Variants in CSMD1 observed in about 807,000 individuals in gnomAD.
CSMD1 encodes the protein CUB and Sushi multiple domains 1.
CSMD1 carries 213 observed loss-of-function variants against 417.5 expected under a neutral mutation model. The observed-to-expected ratio is 0.51, with a 90% CI of 0.46 to 0.57. The LOEUF is 0.57. Ranked by LOEUF, CSMD1 falls within the 20% of genes least tolerant of loss-of-function variation. CSMD1 has a pLI of 0.00. For synonymous variants in CSMD1, 2,862 were observed against 1,736.8 expected, an observed-to-expected ratio of 1.65 and a Z score of -16.11; for missense variants, 6,923 against 4,529.7, an observed-to-expected ratio of 1.53 and a Z score of -15.17.
chr8:3,652,386 C>G (rs1487961285), intron 7 of CSMD1, among the ~76,000 whole-genome samples: 2 of 152,216 alleles, frequency 1.3e-5, no homozygotes, highest in African/African-American at 4.8e-5. Flanking sequence ...CGCTTAGCAC[C>G]ATCACAAATA....
intron 12 of CSMD1, among the ~76,000 whole-genome samples, chr8:3,422,914 A>G (rs1813587653): frequency 1.3e-5 from 2 of 152,170 alleles, no homozygotes; most frequent in Non-Finnish European, 1.5e-5. Flanking sequence ...CTCACATGGC[A>G]GAAGGAAAAG....
At chr8:4,361,065 C>T (rs1008042188) in intron 3 of CSMD1, among the ~76,000 whole-genome samples, 3 of 152,066 alleles carry the variant, frequency 2.0e-5, no homozygotes, top group African/African-American at 4.8e-5. Context: ...ATTTTTCGTG[C>T]CCAACAGATG....
chr8:3,950,058 C>G, intron 5 of CSMD1: 1 of 448,358 alleles, frequency 2.2e-6, no homozygotes, highest in Non-Finnish European at 4.5e-6. Context: ...ACAGACAGGA[C>G]TGAGTTGCCA....
At chr8:4,761,960 TATC>T (rs1812137928) in intron 1 of CSMD1, among the ~76,000 whole-genome samples, 1 of 150,130 alleles carries the variant, frequency 6.7e-6, no homozygotes, top group Non-Finnish European at 1.5e-5. Flanking sequence ...TCTATCTATC[TATC>T]TAGATTCCCA....
chr8:3,712,166 T>TAATTTA, intron 6 of CSMD1, among the ~76,000 whole-genome samples: 1 of 151,978 alleles, frequency 6.6e-6, no homozygotes, highest in East Asian at 1.9e-4. Flanking sequence ...AGTTACTACG[T>TAATTTA]TCTCTTATTG....
At chr8:4,424,272 C>T (rs1019156319) in intron 2 of CSMD1, among the ~76,000 whole-genome samples, 8 of 151,968 alleles carry the variant, frequency 5.3e-5, no homozygotes, top group African/African-American at 1.9e-4. Context: ...ACTGGGAAAA[C>T]ACATTCGCAA....
chr8:3,322,114 T>C (rs968809085), intron 23 of CSMD1, among the ~76,000 whole-genome samples: 1 of 152,228 alleles, frequency 6.6e-6, no homozygotes, highest in Non-Finnish European at 1.5e-5. Flanking sequence ...TTCAGTGTTA[T>C]GAATACCAAA....
intron 2 of CSMD1, among the ~76,000 whole-genome samples, chr8:4,565,664 G>A (rs1163827415): frequency 6.6e-6 from 1 of 150,738 alleles, no homozygotes; most frequent in Non-Finnish European, 1.5e-5. Context: ...GAACCAAGGA[G>A]GCAGAGGTTG....
intron 5 of CSMD1, among the ~76,000 whole-genome samples, chr8:3,925,609 G>A (rs6983347): frequency 0.074 from 11,179 of 151,964 alleles, 568 homozygotes; most frequent in African/African-American, 0.14. Flanking sequence ...TACTATTCTC[G>A]CAACAGTGAA....
At chr8:3,552,342 T>G (rs187069161) in intron 10 of CSMD1, among the ~76,000 whole-genome samples, 25 of 152,298 alleles carry the variant, frequency 1.6e-4, no homozygotes, top group African/African-American at 5.1e-4. Context: ...TTTTTTTGCA[T>G]ATTTCTAAAT....
chr8:4,353,333 T>C (rs1801207794), intron 3 of CSMD1, among the ~76,000 whole-genome samples: 1 of 152,140 alleles, frequency 6.6e-6, no homozygotes, highest in African/African-American at 2.4e-5. Flanking sequence ...ATGTAAGATG[T>C]GACTTTGCTC....
intron 3 of CSMD1, among the ~76,000 whole-genome samples, chr8:4,148,094 A>C (rs1054253021): frequency 6.6e-6 from 1 of 152,140 alleles, no homozygotes; most frequent in East Asian, 1.9e-4. Flanking sequence ...TGAAAAACAT[A>C]ACACAGATGG....
intron 1 of CSMD1, among the ~76,000 whole-genome samples, chr8:4,965,829 C>T (rs567990431): frequency 2.0e-5 from 3 of 152,188 alleles, no homozygotes; most frequent in African/African-American, 4.8e-5. Context: ...AAAATAAATG[C>T]ATCTTCATGT....
intron 65 of CSMD1, 29 bp downstream of exon 65, chr8:2,954,195 G>C: frequency 1.5e-6 from 2 of 1,358,068 alleles, no homozygotes; most frequent in Non-Finnish European, 2.0e-6. Flanking sequence ...TTATTGGATT[G>C]AAATCTAGAA....
At chr8:4,649,061 G>C (rs184862541) in intron 1 of CSMD1, among the ~76,000 whole-genome samples, 1 of 152,244 alleles carries the variant, frequency 6.6e-6, no homozygotes, top group East Asian at 1.9e-4. Context: ...GCTTCAGTTG[G>C]TATATTTGCC....
At chr8:4,387,995 C>G (rs4327878) in intron 3 of CSMD1, among the ~76,000 whole-genome samples, 92,322 of 151,944 alleles carry the variant, frequency 0.61, 28,342 homozygotes, top group African/African-American at 0.64. Flanking sequence ...TCATGTTAAA[C>G]ACATAATTGA....
intron 23 of CSMD1, among the ~76,000 whole-genome samples, chr8:3,341,437 A>G (rs895658540): frequency 6.6e-6 from 1 of 152,230 alleles, no homozygotes; most frequent in African/African-American, 2.4e-5. Flanking sequence ...CAAATGAGAA[A>G]TCATTCCAAC....
At chr8:3,017,121 G>C (rs188689125) in intron 52 of CSMD1, among the ~76,000 whole-genome samples, 1 of 152,230 alleles carries the variant, frequency 6.6e-6, no homozygotes, top group South Asian at 2.1e-4. Context: ...GCAATCAACT[G>C]TAAGTTGCTG....
At chr8:4,461,124 G>A (rs938754361) in intron 2 of CSMD1, among the ~76,000 whole-genome samples, 3 of 149,272 alleles carry the variant, frequency 2.0e-5, no homozygotes, top group Non-Finnish European at 4.4e-5. Flanking sequence ...ATCTAACACT[G>A]TGCCATAACA....
Sources: gnomAD v4.1 joint callset for allele counts (sites outside exome capture counted in the v4.1 genomes callset) on GRCh38, gnomAD v4.1.1 for gene constraint, MANE v1.5 for transcripts, NCBI Gene and HGNC (gene_info 2026-07-23, HGNC 2026-07-21) for gene names.